TTC28: variants seen among roughly 807,000 people sequenced by gnomAD.
The protein encoded by TTC28 is tetratricopeptide repeat domain 28, also known as tetratricopeptide repeat protein 28.
Under a neutral mutation model 198.0 loss-of-function variants are expected in TTC28, and 61 were observed. That is an observed-to-expected ratio of 0.31 (90% CI 0.25 to 0.38). The LOEUF is 0.38. TTC28 is among the 10% of genes least tolerant of loss of function. The pLI is 1.00. For synonymous variants in TTC28, 1,171 were observed against 1,297.8 expected, an observed-to-expected ratio of 0.90 and a Z score of 2.10; for missense variants, 2,678 against 3,164.0, an observed-to-expected ratio of 0.85 and a Z score of 3.69.
chr22:28,395,477 C>T (rs2046799570), intron 2 of TTC28, among the ~76,000 whole-genome samples: 1 of 151,886 alleles, frequency 6.6e-6, no homozygotes. Flanking sequence ...ACTAAAAATA[C>T]AAAAATTAGA....
In TTC28 at chr22:28,030,279, G is replaced by A; in HGVS notation, c.4020C>T (p.Val1340=). The A allele has an allele frequency of 1.3e-6, 2 of 1,551,780 alleles. No individual in the cohort carries two copies. Among genetic ancestry groups the A allele is most frequent in the South Asian group, 1.2e-5 (1 of 84,048 alleles). Residue 1340 remains valine, a synonymous_variant, in exon 13 of 23, where the codon GTC becomes GTT. Transcript: ENST00000397906. ...FEEMNNKLNS[V]TDPTGFLRMV... ...TCCGCAGAAAGCCAGTGGGGTCAGTGACCGAGTTGAGTTTGTTGTTCATCT... is the reference window on the plus strand; with the variant it reads ...TCCGCAGAAAGCCAGTGGGGTCAGTAACCGAGTTGAGTTTGTTGTTCATCT...
chr22:28,600,733 C>T (rs932349751), intron 2 of TTC28, among the ~76,000 whole-genome samples: 4 of 152,086 alleles, frequency 2.6e-5, no homozygotes, highest in Non-Finnish European at 5.9e-5. Context: ...AAATTAAACA[C>T]AAGAGGGCGC....
chr22:28,037,641 C>G (rs2146658934), intron 12 of TTC28, among the ~76,000 whole-genome samples: 1 of 152,248 alleles, frequency 6.6e-6, no homozygotes, highest in East Asian at 1.9e-4. Flanking sequence ...CACTCCTATT[C>G]AACATAGTGT....
At chr22:28,563,169 G>C (rs929305415) in intron 2 of TTC28, among the ~76,000 whole-genome samples, 4 of 151,910 alleles carry the variant, frequency 2.6e-5, no homozygotes, top group Non-Finnish European at 5.9e-5. Context: ...ACAAAAAATA[G>C]AATCTATAGA....
In TTC28 at chr22:28,649,547, G is replaced by A. The variant is rs1371863349; in HGVS notation, c.103-19717C>T. On this transcript the variant is annotated intron_variant, in intron 1 of 22. Transcript: ENST00000397906. ...CATGGTTTCATGCCCATGAATAATAGAATCTTAACTACAAACTATTCAATA... is the reference window on the plus strand; with the variant it reads ...CATGGTTTCATGCCCATGAATAATAAAATCTTAACTACAAACTATTCAATA... Among the ~76,000 whole-genome samples, 9 of 152,106 alleles carry A rather than the reference G, an allele frequency of 5.9e-5. No homozygotes were observed. In the East Asian group the frequency reaches 1.7e-3, roughly 29 times the overall value.
intron 2 of TTC28, among the ~76,000 whole-genome samples, chr22:28,421,983 A>G (rs1404572701): frequency 1.3e-5 from 2 of 152,086 alleles, no homozygotes; most frequent in East Asian, 3.8e-4. Flanking sequence ...TCAGGAAAAA[A>G]AAACAAAAAG....
At chr22:28,246,868 G>A (rs1168622886) in intron 5 of TTC28, among the ~76,000 whole-genome samples, 1 of 152,050 alleles carries the variant, frequency 6.6e-6, no homozygotes, top group Non-Finnish European at 1.5e-5. Context: ...ATAAGAGATG[G>A]GGATGTGCTA....
intron 1 of TTC28, among the ~76,000 whole-genome samples, chr22:28,676,663 C>T (rs1052887063): frequency 2.0e-5 from 3 of 151,706 alleles, no homozygotes; most frequent in Non-Finnish European, 4.4e-5. Flanking sequence ...AAAAGTCTTT[C>T]CTTCCTATAT....
At chr22:28,643,899 A>G (rs989851945) in intron 1 of TTC28, among the ~76,000 whole-genome samples, 4 of 152,208 alleles carry the variant, frequency 2.6e-5, no homozygotes, top group Non-Finnish European at 2.9e-5. Context: ...ACAAAACTCT[A>G]TAAGATAGGT....
chr22:28,043,673 C>T (rs1048529786), intron 12 of TTC28, among the ~76,000 whole-genome samples: 2 of 152,114 alleles, frequency 1.3e-5, no homozygotes, highest in Non-Finnish European at 2.9e-5. Flanking sequence ...GGACTCCTCA[C>T]CCATATAACC....
At chr22:28,314,382 C>A (rs2045319457) in intron 2 of TTC28, among the ~76,000 whole-genome samples, 1 of 152,118 alleles carries the variant, frequency 6.6e-6, no homozygotes, top group African/African-American at 2.4e-5. Context: ...TCATATGGAA[C>A]CAAAAAAGAG....
At chr22:28,000,419 C>T (rs1412287156) in intron 15 of TTC28, 3 of 152,320 alleles carry the variant, frequency 2.0e-5, no homozygotes, top group Non-Finnish European at 4.4e-5. Flanking sequence ...TTTCCGCCAC[C>T]ATAAAGAGGC....
intron 2 of TTC28, among the ~76,000 whole-genome samples, chr22:28,493,087 AG>A (rs1439386356): frequency 6.7e-6 from 1 of 149,512 alleles, no homozygotes; most frequent in Non-Finnish European, 1.5e-5. Flanking sequence ...CTGGGTGCAG[AG>A]GCTCACGCCT....
chr22:28,206,822 A>G (rs1171369692), intron 5 of TTC28, among the ~76,000 whole-genome samples: 5 of 152,150 alleles, frequency 3.3e-5, no homozygotes, highest in Admixed American at 6.5e-5. Flanking sequence ...TTTACTCAGC[A>G]CTATGGAAAG....
chr22:28,604,302 T>C (rs1288250107), intron 2 of TTC28, among the ~76,000 whole-genome samples: 35 of 137,438 alleles, frequency 2.5e-4, no homozygotes, highest in African/African-American at 9.7e-4. Context: ...AAAAATTATA[T>C]ATATATATAT....
intron 2 of TTC28, among the ~76,000 whole-genome samples, chr22:28,556,996 C>A (rs1472420237): frequency 6.6e-6 from 1 of 152,194 alleles, no homozygotes; most frequent in East Asian, 1.9e-4. Flanking sequence ...CAACGTCACA[C>A]CCCTTCATTT....
intron 2 of TTC28, among the ~76,000 whole-genome samples, chr22:28,506,994 G>C (rs1038909408): frequency 1.3e-5 from 2 of 152,220 alleles, no homozygotes; most frequent in Admixed American, 6.5e-5. Flanking sequence ...AAAAGCCAGA[G>C]TGCCTCTTCT....
intron 2 of TTC28, among the ~76,000 whole-genome samples, chr22:28,487,528 T>C (rs1181226619): frequency 2.0e-5 from 3 of 152,132 alleles, no homozygotes; most frequent in Admixed American, 2.0e-4. Context: ...CTGTACAAAA[T>C]CATGAGAATA....
chr22:28,302,117 C>T (rs1172665053), intron 3 of TTC28, among the ~76,000 whole-genome samples: 1 of 151,530 alleles, frequency 6.6e-6, no homozygotes, highest in Non-Finnish European at 1.5e-5. Context: ...CTATGGGACC[C>T]CAAAAGAGAA....
Sources: allele counts gnomAD v4.1 joint callset (sites outside exome capture counted in the v4.1 genomes callset), GRCh38; gene constraint gnomAD v4.1.1; transcripts MANE v1.5; gene names NCBI Gene and HGNC (gene_info 2026-07-23, HGNC 2026-07-21).